Variants in EPHA6 observed in about 807,000 individuals in gnomAD.
EPHA6 encodes ephrin type-A receptor 6.
A neutral mutation model predicts 112.0 loss-of-function variants in EPHA6; 50 were observed. The ratio of observed to expected loss-of-function variants is 0.45; its 90% CI spans 0.36 to 0.56. The LOEUF (loss-of-function observed/expected upper bound fraction) is 0.56. EPHA6 is among the 20% of genes least tolerant of loss of function. The probability of loss-of-function intolerance (pLI) is 0.00; values close to 1 mark genes in which losing one functional copy is unlikely to be tolerated. For missense variants in EPHA6, 1,280 were observed against 1,417.4 expected (o/e 0.90, Z 1.56); for synonymous variants, 529 against 490.7 (o/e 1.08, Z -1.03).
At chr3:96,835,807 T>C (rs1028024562) in intron 1 of EPHA6, among the ~76,000 whole-genome samples, 6 of 152,112 alleles carry the variant, frequency 3.9e-5, no homozygotes, top group Admixed American at 3.9e-4. Flanking sequence ...TCTTAATTAT[T>C]AAGTATGTAG....
chr3:97,027,341 T>A lies in EPHA6; in HGVS notation c.1114+39348T>A, dbSNP rs982360686. Among the ~76,000 whole-genome samples the A allele has an allele frequency of 4.6e-5, 7 of 152,170 alleles. No individual in the cohort carries two copies. In the South Asian group the frequency reaches 8.3e-4, roughly 18 times the overall value. ...ATCAGGAATCACAAGTAATGAGTACTAGGCTTAATACCTCGGTGATGAAAT... is the reference window on the plus strand; with the variant it reads ...ATCAGGAATCACAAGTAATGAGTACAAGGCTTAATACCTCGGTGATGAAAT... On this transcript the variant is annotated intron_variant, in intron 3 of 17. Coordinates refer to ENST00000389672, the MANE Select transcript of EPHA6 (RefSeq NM_001080448.3).
chr3:96,820,040 C>T (rs1243163814), intron 1 of EPHA6, among the ~76,000 whole-genome samples: 1 of 152,014 alleles, frequency 6.6e-6, no homozygotes, highest in Non-Finnish European at 1.5e-5. Context: ...AGAGCTCATT[C>T]TGCAGAGTGG....
chr3:97,290,944 C>T (rs1224211327), intron 5 of EPHA6, among the ~76,000 whole-genome samples: 4 of 151,804 alleles, frequency 2.6e-5, no homozygotes, highest in African/African-American at 9.7e-5. Context: ...TTAATGTATT[C>T]TTACTTTTTC....
At chr3:97,272,363 T>C (rs543629471) in intron 5 of EPHA6, among the ~76,000 whole-genome samples, 57 of 152,084 alleles carry the variant, frequency 3.7e-4, no homozygotes, top group African/African-American at 1.4e-3. Context: ...CATGCTTTGC[T>C]GCACGACAGG....
At chr3:96,982,662 G>A in intron 2 of EPHA6, among the ~76,000 whole-genome samples, 1 of 152,128 alleles carries the variant, frequency 6.6e-6, no homozygotes. Context: ...GGGTGTTAAA[G>A]TCTCCCATTA....
intron 5 of EPHA6, among the ~76,000 whole-genome samples, chr3:97,333,996 A>C (rs2108833750): frequency 6.6e-6 from 1 of 152,098 alleles, no homozygotes; most frequent in South Asian, 2.1e-4. Context: ...TAACTTGCTG[A>C]GTGCTTTTAT....
chr3:96,919,598 A>C (rs2039658109), intron 2 of EPHA6, among the ~76,000 whole-genome samples: 3 of 151,970 alleles, frequency 2.0e-5, no homozygotes, highest in East Asian at 3.9e-4. Context: ...CTATTGAGGC[A>C]GGGGTTATAA....
chr3:97,243,597 A>G (rs2078908606), intron 4 of EPHA6, among the ~76,000 whole-genome samples: 2 of 151,948 alleles, frequency 1.3e-5, no homozygotes, highest in South Asian at 4.1e-4. Context: ...AAATGGTGAT[A>G]TAATTAATAA....
chr3:97,578,800 A>C (rs2107270806), intron 11 of EPHA6, among the ~76,000 whole-genome samples: 1 of 152,264 alleles, frequency 6.6e-6, no homozygotes, highest in African/African-American at 2.4e-5. Flanking sequence ...GGGAACTAAA[A>C]CTTCTGTTTC....
intron 3 of EPHA6, among the ~76,000 whole-genome samples, chr3:97,220,341 G>A (rs907416344): frequency 7.9e-5 from 12 of 151,996 alleles, no homozygotes; most frequent in African/African-American, 1.7e-4. Flanking sequence ...TTCCAAAGAC[G>A]CTTCCACACT....
chr3:97,643,297 A>C (rs2107582214), intron 14 of EPHA6, among the ~76,000 whole-genome samples: 1 of 151,912 alleles, frequency 6.6e-6, no homozygotes, highest in Non-Finnish European at 1.5e-5. Context: ...GGAAGCGCTA[A>C]ACATGGAAAG....
intron 1 of EPHA6, among the ~76,000 whole-genome samples, chr3:96,817,407 A>G (rs1368487729): frequency 2.6e-5 from 4 of 151,908 alleles, no homozygotes; most frequent in African/African-American, 7.2e-5. Context: ...ATCTATTTTT[A>G]AACATGGAAA....
At chr3:97,168,411 C>T (rs1208875602) in intron 3 of EPHA6, among the ~76,000 whole-genome samples, 5 of 151,998 alleles carry the variant, frequency 3.3e-5, no homozygotes, top group African/African-American at 1.2e-4. Flanking sequence ...GCTGGAGGAC[C>T]ATCCCCCTAG....
chr3:97,215,270 A>T (rs569965647), intron 3 of EPHA6, among the ~76,000 whole-genome samples: 8 of 152,346 alleles, frequency 5.3e-5, no homozygotes, highest in Non-Finnish European at 1.2e-4. Context: ...TTTTGAAAGT[A>T]TGAGTAGAAC....
chr3:97,316,923 A>G (rs1019663332), intron 5 of EPHA6, among the ~76,000 whole-genome samples: 1 of 151,868 alleles, frequency 6.6e-6, no homozygotes, highest in African/African-American at 2.4e-5. Context: ...AAAATTTTGT[A>G]AACTTTTTGG....
intron 14 of EPHA6, among the ~76,000 whole-genome samples, chr3:97,677,412 A>G (rs566469223): frequency 6.6e-6 from 1 of 152,308 alleles, no homozygotes; most frequent in African/African-American, 2.4e-5. Context: ...ACATCCTACT[A>G]GAATAAGAGA....
intron 3 of EPHA6, among the ~76,000 whole-genome samples, chr3:97,035,649 A>T (rs1169513545): frequency 3.3e-5 from 5 of 151,780 alleles, no homozygotes; most frequent in African/African-American, 1.2e-4. Flanking sequence ...AATTTTCTTT[A>T]TATTTTCAAC....
intron 5 of EPHA6, among the ~76,000 whole-genome samples, chr3:97,328,080 A>ATATATATAG (rs2082572857): frequency 2.5e-4 from 18 of 71,426 alleles, no homozygotes; most frequent in African/African-American, 1.4e-3. Flanking sequence ...TATATATATA[A>ATATATATAG]CCTGTTTTGT....
chr3:97,164,936 T>G (rs1559767634), intron 3 of EPHA6, among the ~76,000 whole-genome samples: 2 of 152,150 alleles, frequency 1.3e-5, no homozygotes, highest in Admixed American at 1.3e-4. Flanking sequence ...GAGGCCAATT[T>G]AATACTGTAA....
Sources: allele counts gnomAD v4.1 joint callset (sites outside exome capture counted in the v4.1 genomes callset), GRCh38; gene constraint gnomAD v4.1.1; transcripts MANE v1.5; gene names NCBI Gene and HGNC (gene_info 2026-07-23, HGNC 2026-07-21).